The following PTPRD variants were observed in gnomAD, a reference collection of about 807,000 sequenced individuals.
PTPRD encodes receptor-type tyrosine-protein phosphatase delta.
A neutral mutation model predicts 214.5 loss-of-function variants in PTPRD; 34 were observed. The observed-to-expected ratio is 0.16, with a 90% CI of 0.12 to 0.21. The LOEUF is 0.21. Among genes scored for constraint, PTPRD ranks in the 10% least tolerant of loss-of-function variants. The probability of loss-of-function intolerance (pLI) is 1.00; values close to 1 mark genes in which losing one functional copy is unlikely to be tolerated. For missense variants in PTPRD, 2,545 were observed against 2,398.7 expected, an observed-to-expected ratio of 1.06 and a Z score of -1.27; for synonymous variants, 1,128 against 845.7, an observed-to-expected ratio of 1.33 and a Z score of -5.79.
intron 5 of PTPRD, among the ~76,000 whole-genome samples, chr9:9,796,436 T>C (rs112630851): frequency 2.6e-5 from 4 of 152,250 alleles, no homozygotes; most frequent in African/African-American, 7.2e-5. Flanking sequence ...GTTGAAATGA[T>C]GGCTCTGATG....
At chr9:9,448,845 C>T (rs1234121835) in intron 8 of PTPRD, among the ~76,000 whole-genome samples, 3 of 151,984 alleles carry the variant, frequency 2.0e-5, no homozygotes, top group Non-Finnish European at 4.4e-5. Context: ...GATTAAAAAG[C>T]AGGGTGGCTA....
intron 14 of PTPRD, among the ~76,000 whole-genome samples, chr9:8,617,632 AC>A (rs1440252143): frequency 6.6e-6 from 1 of 152,052 alleles, no homozygotes; most frequent in African/African-American, 2.4e-5. Flanking sequence ...AACAAACAAA[AC>A]TACTTTGTTT....
At chr9:10,315,881 G>A (rs559739817) in intron 3 of PTPRD, among the ~76,000 whole-genome samples, 1 of 151,858 alleles carries the variant, frequency 6.6e-6, no homozygotes, top group Admixed American at 6.6e-5. Context: ...TTTAAGAAAT[G>A]AGTCTTTCTC....
chr9:8,650,958 A>C (rs1347744286), intron 12 of PTPRD, among the ~76,000 whole-genome samples: 1 of 151,974 alleles, frequency 6.6e-6, no homozygotes, highest in Non-Finnish European at 1.5e-5. Flanking sequence ...AGGCTTCCAA[A>C]TATTCTCATT....
intron 10 of PTPRD, among the ~76,000 whole-genome samples, chr9:9,063,818 C>T (rs1010864497): frequency 3.3e-5 from 5 of 152,112 alleles, no homozygotes; most frequent in East Asian, 1.9e-4. Context: ...AGAAAGTATC[C>T]GGCAGTTTTC....
intron 9 of PTPRD, among the ~76,000 whole-genome samples, chr9:9,231,303 T>G (rs1594126263): frequency 6.6e-6 from 1 of 152,300 alleles, no homozygotes; most frequent in East Asian, 1.9e-4. Context: ...TTGGCATTCT[T>G]AACTCTTTGG....
At chr9:8,687,319 C>T (rs1406106118) in intron 12 of PTPRD, among the ~76,000 whole-genome samples, 1 of 152,194 alleles carries the variant, frequency 6.6e-6, no homozygotes, top group Non-Finnish European at 1.5e-5. Flanking sequence ...TCTCTCAAAA[C>T]TCTGCCAGAA....
intron 7 of PTPRD, among the ~76,000 whole-genome samples, chr9:9,680,147 G>A (rs1252282749): frequency 1.3e-5 from 2 of 151,754 alleles, no homozygotes; most frequent in Non-Finnish European, 2.9e-5. Flanking sequence ...ACCTTACAGA[G>A]ATACTTTATT....
intron 8 of PTPRD, among the ~76,000 whole-genome samples, chr9:9,461,228 T>C (rs2093628409): frequency 1.3e-5 from 2 of 152,096 alleles, no homozygotes; most frequent in South Asian, 4.2e-4. Flanking sequence ...TGGTACTATG[T>C]TCACTATTTA....
At chr9:8,743,737 C>A (rs922151345) in intron 11 of PTPRD, among the ~76,000 whole-genome samples, 1 of 151,432 alleles carries the variant, frequency 6.6e-6, no homozygotes, top group African/African-American at 2.4e-5. Context: ...GCAACAAAAA[C>A]AAACATTAAA....
rs1276939328 is a variant in PTPRD, at chr9:8,636,832, A to T, written c.77T>A (p.Phe26Tyr). The change falls in exon 13 of 46, where the codon TTT becomes TAT. Residue 26 changes from phenylalanine (F) to tyrosine (Y), a missense_variant. Transcript: ENST00000381196. ...TGTCTGATCAACGGGTGTTCGTGTA[A>T]ACCTTGGAGGTGCTGAAATAAAAAA... ...LRTDAETPPR[F>Y]TRTPVDQTGV... The T allele has an allele frequency of 6.2e-7, 1 of 1,613,716 alleles. No homozygotes were observed. Among genetic ancestry groups the T allele is most frequent in the African/African-American group, 1.3e-5 (1 of 75,030 alleles).
chr9:8,814,684 G>C (rs905670900), intron 11 of PTPRD, among the ~76,000 whole-genome samples: 1 of 152,160 alleles, frequency 6.6e-6, no homozygotes, highest in Non-Finnish European at 1.5e-5. Context: ...TAGATTATGC[G>C]ATGATCCAAG....
At position 8,485,219 on chromosome 9, in the gene PTPRD, C is replaced by T. The variant is rs2135855267; in HGVS notation, c.3153+8G>A. ...CTGTGATTTCTTACAAATTAGAAAA[C>T]AACTTACTTTGAAAGGCATGGCGGA... On this transcript the variant is annotated splice_region_variant and intron_variant, in intron 29 of 45. Coordinates refer to ENST00000381196, the MANE Select transcript of PTPRD (RefSeq NM_002839.4). 1 of 1,610,096 alleles carries T rather than the reference C, an allele frequency of 6.2e-7. No individual in the cohort carries two copies. The highest frequency in any genetic ancestry group is 1.3e-5 in the African/African-American group (1 of 74,942).
chr9:9,682,325 C>T (rs141729464), intron 7 of PTPRD, among the ~76,000 whole-genome samples: 182 of 151,878 alleles, frequency 1.2e-3, no homozygotes, highest in African/African-American at 4.0e-3. Context: ...ACCAAAGATA[C>T]ACTATATTTT....
At chr9:8,440,046 C>T (rs1167982715) in intron 34 of PTPRD, among the ~76,000 whole-genome samples, 1 of 142,548 alleles carries the variant, frequency 7.0e-6, no homozygotes, top group Admixed American at 7.5e-5. Context: ...TTCCTCAGCA[C>T]TGGCTCTTAG....
intron 5 of PTPRD, among the ~76,000 whole-genome samples, chr9:9,861,545 C>G (rs1426309399): frequency 6.6e-6 from 1 of 152,206 alleles, no homozygotes; most frequent in Non-Finnish European, 1.5e-5. Flanking sequence ...CCACCTCGGC[C>G]TCTCAAAGTG....
intron 9 of PTPRD, among the ~76,000 whole-genome samples, chr9:9,262,660 A>C (rs1211399122): frequency 6.6e-6 from 1 of 151,696 alleles, no homozygotes; most frequent in Non-Finnish European, 1.5e-5. Context: ...TTAGTCAATG[A>C]TTCCTAGAGC....
At chr9:9,182,008 T>G (rs927294951) in intron 10 of PTPRD, among the ~76,000 whole-genome samples, 1 of 152,000 alleles carries the variant, frequency 6.6e-6, no homozygotes, top group Non-Finnish European at 1.5e-5. Context: ...GAGTCAAGAA[T>G]GAAGACACAG....
intron 2 of PTPRD, among the ~76,000 whole-genome samples, chr9:10,539,564 CA>C (rs201191523): frequency 0.018 from 2,771 of 152,284 alleles, 33 homozygotes; most frequent in South Asian, 0.042. Flanking sequence ...ACAGTCCTTT[CA>C]CCCTTCTGCC....
Sources: gnomAD v4.1 joint callset for allele counts (sites outside exome capture counted in the v4.1 genomes callset) on GRCh38, gnomAD v4.1.1 for gene constraint, MANE v1.5 for transcripts, NCBI Gene and HGNC (gene_info 2026-07-23, HGNC 2026-07-21) for gene names.